PLEKHA7: variants seen among roughly 807,000 people sequenced by gnomAD.
PLEKHA7 encodes pleckstrin homology domain containing A7.
PLEKHA7 carries 104 observed loss-of-function variants against 170.0 expected under a neutral mutation model. That is an observed-to-expected ratio of 0.61 (90% confidence interval 0.52 to 0.72). PLEKHA7 has a LOEUF of 0.72. Ranked by LOEUF, PLEKHA7 falls within the 30% of genes least tolerant of loss-of-function variation. The pLI, the probability that PLEKHA7 is intolerant of heterozygous loss-of-function variation, is 0.00. For missense variants in PLEKHA7, 1,615 were observed against 1,671.7 expected (o/e 0.97, Z 0.59); for synonymous variants, 648 against 660.8 (o/e 0.98, Z 0.30).
At chr11:16,951,239 C>T (rs1861386644) in intron 3 of PLEKHA7, among the ~76,000 whole-genome samples, 1 of 152,168 alleles carries the variant, frequency 6.6e-6, no homozygotes, top group African/African-American at 2.4e-5. Context: ...GGCAGTTTCA[C>T]CTTGCCCTTC....
rs1025774299 is a variant in PLEKHA7 at position 16,791,520 on chromosome 11, T to C, written c.2746-321A>G. The C allele has an allele frequency of 1.7e-5, 9 of 543,182 alleles. No individual in the cohort carries two copies. The highest frequency in any genetic ancestry group is 2.5e-5 in the Non-Finnish European group (7 of 283,406). 33.6% of individuals were successfully genotyped at this position (543,182 alleles called of 1,614,324 possible). A position where few individuals can be genotyped will look rare whatever the true frequency, so the allele number is the denominator to read the frequency against. ...TGCTGAACTGCTCCCTCCGCTCATC[T>C]GGAGTGCACATCGCAGGCAGGCTGC... is the stretch of plus-strand genomic sequence containing the variant. On this transcript the variant is annotated intron_variant, in intron 19 of 26. Coordinates refer to ENST00000531066, the MANE Select transcript of PLEKHA7 (RefSeq NM_001329630.2). This position sits in a 1 kb window ranked among gnomAD's most constrained non-coding sequence, Gnocchi z 4.5.
chr11:16,929,328 C>A (rs1372310164), intron 3 of PLEKHA7, among the ~76,000 whole-genome samples: 1 of 152,188 alleles, frequency 6.6e-6, no homozygotes, highest in African/African-American at 2.4e-5. Flanking sequence ...GAAGCTTAAA[C>A]TAAAGGTTCC....
chr11:16,822,427 G>A (rs1850295883), intron 10 of PLEKHA7, among the ~76,000 whole-genome samples: 1 of 149,940 alleles, frequency 6.7e-6, no homozygotes, highest in Non-Finnish European at 1.5e-5. Flanking sequence ...AGACCCGTGA[G>A]GTTCTGGACT....
At chr11:16,803,359 A>G (rs1180918870) in intron 13 of PLEKHA7, 64 bp from the exon 14 acceptor site, 1 of 1,513,764 alleles carries the variant, frequency 6.6e-7, no homozygotes, top group Non-Finnish European at 9.2e-7. Context: ...TCAGGAAAGA[A>G]AATTCATCCT....
chr11:16,823,060 T>C (rs879907353), intron 10 of PLEKHA7, among the ~76,000 whole-genome samples: 1 of 152,134 alleles, frequency 6.6e-6, no homozygotes, highest in African/African-American at 2.4e-5. Flanking sequence ...AGTGGTACAA[T>C]CATAACTCAT....
chr11:16,906,384 T>G (rs1468932184), intron 3 of PLEKHA7, among the ~76,000 whole-genome samples: 1 of 132,964 alleles, frequency 7.5e-6, no homozygotes, highest in Non-Finnish European at 1.5e-5. Flanking sequence ...AAAGCTGGAC[T>G]GTACTGCTGC....
In PLEKHA7 at chr11:16,817,335, G is replaced by A. The variant is rs1221277873; in HGVS notation, c.1344-13C>T. On this transcript the variant is annotated splice_polypyrimidine_tract_variant and intron_variant, in intron 10 of 26. Transcript: ENST00000531066. The surrounding 1 kb of genome is among the most constrained non-coding windows in gnomAD (Gnocchi z 4.4). ...GTCCAAGGGAAGACTGAGGAGAAAG[G>A]GTAAGAACGGGTCAGGCAACCAAGC... is the stretch of plus-strand genomic sequence containing the variant. 3.1e-6 allele frequency: 5 copies of A among 1,592,134 alleles called. No homozygotes were observed. The highest frequency in any genetic ancestry group is 4.3e-6 in the Non-Finnish European group (5 of 1,172,728).
rs370471857 is a variant in PLEKHA7 at position 16,826,081 on chromosome 11, G to C, written c.1343+39C>G. ...TGACAGCTCTTGCCACTACATTATC[G>C]TGCTCGTTATAAGCAGCGATCCTGA... On this transcript the variant is annotated intron_variant, in intron 10 of 26. Transcript: ENST00000531066. 4 of 1,577,906 alleles carry C rather than the reference G, an allele frequency of 2.5e-6. No individual in the cohort carries two copies. In the African/African-American group the frequency reaches 5.4e-5, roughly 21 times the overall value.
intron 9 of PLEKHA7, among the ~76,000 whole-genome samples, chr11:16,838,748 G>T (rs1191926218): frequency 7.0e-6 from 1 of 143,850 alleles, no homozygotes; most frequent in South Asian, 2.2e-4. Context: ...AGGCAGTGGT[G>T]CGATCTCTGC....
At chr11:17,005,148 C>G (rs1864909004) in intron 3 of PLEKHA7, among the ~76,000 whole-genome samples, 1 of 152,210 alleles carries the variant, frequency 6.6e-6, no homozygotes, top group African/African-American at 2.4e-5. Flanking sequence ...TCTCCCTGCC[C>G]CTGCACACGT....
intron 4 of PLEKHA7, among the ~76,000 whole-genome samples, chr11:16,859,830 C>T (rs978667421): frequency 2.0e-5 from 3 of 152,254 alleles, no homozygotes; most frequent in African/African-American, 7.2e-5. Context: ...CCCTCAGGCA[C>T]ACTGCGTCAC....
intron 9 of PLEKHA7, among the ~76,000 whole-genome samples, chr11:16,840,990 C>G (rs1315917007): frequency 6.6e-6 from 1 of 152,066 alleles, no homozygotes; most frequent in African/African-American, 2.4e-5. Flanking sequence ...AAAGAATGGG[C>G]CCAATGTGAG....
chr11:16,989,110 C>T (rs930037475), intron 3 of PLEKHA7, among the ~76,000 whole-genome samples: 1 of 152,242 alleles, frequency 6.6e-6, no homozygotes, highest in African/African-American at 2.4e-5. Flanking sequence ...GCACCATCAC[C>T]TCCTGTGTTC....
chr11:16,813,730 C>T (rs1055622708), intron 12 of PLEKHA7, among the ~76,000 whole-genome samples: 3 of 152,186 alleles, frequency 2.0e-5, no homozygotes, highest in Non-Finnish European at 4.4e-5. Context: ...AAGTTTGGTT[C>T]TTTTTGCTCA....
chr11:17,011,021 G>A (rs1865293097), intron 3 of PLEKHA7, among the ~76,000 whole-genome samples: 1 of 152,168 alleles, frequency 6.6e-6, no homozygotes, highest in Non-Finnish European at 1.5e-5. Flanking sequence ...GGCCTGGGAG[G>A]AGTCAGCCAA....
chr11:16,969,486 G>A (rs1862579816), intron 3 of PLEKHA7, among the ~76,000 whole-genome samples: 1 of 152,146 alleles, frequency 6.6e-6, no homozygotes, highest in Non-Finnish European at 1.5e-5. Flanking sequence ...ATGATCCCAT[G>A]CTATTCTGAG....
rs150381294 is a variant in PLEKHA7 at position 16,980,289 on chromosome 11, G to A, written c.221+33700C>T. 5.8e-4 allele frequency among the ~76,000 whole-genome samples: 89 copies of A among 152,334 alleles called. 1 individual carries two copies. Among genetic ancestry groups the A allele is most frequent in the African/African-American group, 1.8e-3 (76 of 41,576 alleles). On this transcript the variant is annotated intron_variant, in intron 3 of 26. Transcript: ENST00000531066. ...TGTGTGGATTATCTCATCAACAAGC[G>A]TATGAGACGGGCACTAGTCTGAGGT...
At chr11:16,882,554 C>T (rs1855787504) in intron 3 of PLEKHA7, among the ~76,000 whole-genome samples, 1 of 152,216 alleles carries the variant, frequency 6.6e-6, no homozygotes, top group African/African-American at 2.4e-5. Flanking sequence ...GCATATTATC[C>T]TAACAAGGGC....
At chr11:17,000,609 C>T (rs1431386529) in intron 3 of PLEKHA7, among the ~76,000 whole-genome samples, 1 of 152,186 alleles carries the variant, frequency 6.6e-6, no homozygotes, top group Non-Finnish European at 1.5e-5. Flanking sequence ...GCCAACCAGG[C>T]CACATTTCAC....
Sources: gnomAD v4.1 joint callset for allele counts (sites outside exome capture counted in the v4.1 genomes callset) on GRCh38, gnomAD v4.1.1 for gene constraint, Gnocchi (gnomAD v3.1) non-coding constraint, MANE v1.5 for transcripts, NCBI Gene and HGNC (gene_info 2026-07-23, HGNC 2026-07-21) for gene names.